PCSK5: variants seen among roughly 807,000 people sequenced by gnomAD.
PCSK5 encodes the protein prohormone convertase 5.
In PCSK5, 129 loss-of-function variants were observed where a neutral mutation model predicts 233.2. That is an observed-to-expected ratio of 0.55 (90% CI 0.48 to 0.64). The LOEUF (loss-of-function observed/expected upper bound fraction) is 0.64. Ranked by LOEUF, PCSK5 falls within the 30% of genes least tolerant of loss-of-function variation. The probability of loss-of-function intolerance (pLI) is 0.00; values close to 1 mark genes in which losing one functional copy is unlikely to be tolerated. For synonymous variants in PCSK5, 825 were observed against 879.2 expected (o/e 0.94, Z 1.09); for missense variants, 2,076 against 2,430.1 (o/e 0.85, Z 3.06).
At chr9:76,224,215 A>G (rs952602152) in intron 20 of PCSK5, among the ~76,000 whole-genome samples, 2 of 152,236 alleles carry the variant, frequency 1.3e-5, no homozygotes, top group Non-Finnish European at 2.9e-5. Context: ...AAGTTAGCAG[A>G]AAACTTTTGT....
intron 33 of PCSK5, among the ~76,000 whole-genome samples, chr9:76,331,840 A>G (rs932337776): frequency 2.0e-5 from 3 of 152,174 alleles, no homozygotes; most frequent in African/African-American, 7.2e-5. Context: ...GAAAGGAAAC[A>G]GATTCCCTCC....
rs146076904 is a variant in PCSK5, at chr9:76,189,155, C to T, written c.2442C>T (p.Cys814=). ...GCTACTTCATGGAGGATGGGAGATG[C>T]GTGCAGAGCTGTAGTATCAGCTATT... ...TEGYFMEDGR[C]VQSCSISYYF... Residue 814 remains cysteine (C), a synonymous_variant, in exon 19 of 38, where the codon TGC becomes TGT. Coordinates refer to ENST00000674117, the MANE Select transcript of PCSK5 (RefSeq NM_001372043.1). 36 of 1,610,918 alleles carry T rather than the reference C, an allele frequency of 2.2e-5. No homozygotes were observed. In the Middle Eastern group the frequency reaches 1.0e-3, roughly 46 times the overall value.
chr9:76,004,344 T>G (rs1485305454), intron 3 of PCSK5, among the ~76,000 whole-genome samples: 1 of 152,118 alleles, frequency 6.6e-6, no homozygotes. Context: ...CGGCTTCCTG[T>G]CAGGTGGTAT....
At chr9:75,922,844 G>C (rs1823313175) in intron 1 of PCSK5, among the ~76,000 whole-genome samples, 1 of 152,146 alleles carries the variant, frequency 6.6e-6, no homozygotes, top group Admixed American at 6.5e-5. Context: ...TCAACTTGCT[G>C]TGTCTTAAGT....
At position 75,983,280 on chromosome 9, in the gene PCSK5, G is replaced by T. The variant is rs550461287; in HGVS notation, c.298-2852G>T. Among the ~76,000 whole-genome samples the T allele has an allele frequency of 8.2e-4, 125 of 152,190 alleles. 1 individual carries two copies. Among genetic ancestry groups the T allele is most frequent in the African/African-American group, 2.9e-3 (120 of 41,528 alleles). On this transcript the variant is annotated intron_variant, in intron 2 of 37. Coordinates refer to ENST00000674117, the MANE Select transcript of PCSK5 (RefSeq NM_001372043.1). Reference sequence around the variant, plus strand: ...ATGTAATAACTTACATAATTTATATGCATATGGTCACATTTTTTTTCCTCC... The same window carrying T: ...ATGTAATAACTTACATAATTTATATTCATATGGTCACATTTTTTTTCCTCC...
intron 32 of PCSK5, among the ~76,000 whole-genome samples, chr9:76,325,045 T>C (rs1437626495): frequency 6.6e-6 from 1 of 152,130 alleles, no homozygotes; most frequent in Admixed American, 6.5e-5. Flanking sequence ...TGTGGATATG[T>C]CTTTTTGTGT....
At chr9:75,907,370 T>C (rs1826305167) in intron 1 of PCSK5, among the ~76,000 whole-genome samples, 1 of 152,158 alleles carries the variant, frequency 6.6e-6, no homozygotes, top group Non-Finnish European at 1.5e-5. Context: ...AAATTCTATA[T>C]AGTCAAGAAT....
rs940985578 is a variant in PCSK5, at chr9:76,036,716, A to G, written c.632+9679A>G. On this transcript the variant is annotated intron_variant, in intron 5 of 37. Coordinates refer to ENST00000674117, the MANE Select transcript of PCSK5 (RefSeq NM_001372043.1). ...ATTCAGAGAGAAGTCTAGAGAGGGT[A>G]AATAATGTGCCTAACGTCACTGAAT... Among the ~76,000 whole-genome samples, 7 of 152,348 alleles carry G rather than the reference A, an allele frequency of 4.6e-5. No individual in the cohort carries two copies. In the South Asian group the frequency reaches 1.0e-3, roughly 23 times the overall value.
chr9:76,288,434 G>C (rs1301176882), intron 24 of PCSK5, among the ~76,000 whole-genome samples: 1 of 152,168 alleles, frequency 6.6e-6, no homozygotes, highest in African/African-American at 2.4e-5. Flanking sequence ...ACATAACCTG[G>C]AAGCTGGAAG....
At position 75,904,123 on chromosome 9, in the gene PCSK5, G is replaced by A. The variant is rs76858911; in HGVS notation, c.192+12750G>A. 5.2e-3 allele frequency among the ~76,000 whole-genome samples: 787 copies of A among 152,082 alleles called. 10 individuals are homozygous for A. The highest frequency in any genetic ancestry group is 0.025 in the East Asian group (131 of 5,164). ...AATGCTGCATTCTTTGACTCATCAC[G>A]GGATGATGTCATTGCTCCTGGGCTG... is the stretch of plus-strand genomic sequence containing the variant. On this transcript the variant is annotated intron_variant, in intron 1 of 37. Transcript: ENST00000674117.
chr9:76,289,956 A>C (rs757225426), intron 24 of PCSK5, among the ~76,000 whole-genome samples: 3 of 152,150 alleles, frequency 2.0e-5, no homozygotes, highest in Non-Finnish European at 4.4e-5. Context: ...GTTCTGTTTA[A>C]CATTTTCATC....
chr9:76,311,198 G>A lies in PCSK5; in HGVS notation c.3884+347G>A, dbSNP rs182757876. ...AGCCTAGGCAACATAGCAAGACTCC[G>A]TCTACAAAATATTTAAAAATTAGCC... On this transcript the variant is annotated intron_variant, in intron 30 of 37. Coordinates refer to ENST00000674117, the MANE Select transcript of PCSK5 (RefSeq NM_001372043.1). Among the ~76,000 whole-genome samples the A allele has an allele frequency of 4.6e-5, 7 of 152,130 alleles. No individual in the cohort carries two copies. In the South Asian group the frequency reaches 6.2e-4, roughly 14 times the overall value.
chr9:76,205,068 T>C, intron 20 of PCSK5: 1 of 516,650 alleles, frequency 1.9e-6, no homozygotes, highest in East Asian at 5.5e-5. Flanking sequence ...AGCTGAAAAA[T>C]TGTCTTTCCA....
At chr9:75,993,046 G>A (rs1041323260) in intron 3 of PCSK5, among the ~76,000 whole-genome samples, 1 of 151,992 alleles carries the variant, frequency 6.6e-6, no homozygotes, top group African/African-American at 2.4e-5. Flanking sequence ...CTGTCTCTGC[G>A]GTTGGCACAC....
intron 5 of PCSK5, among the ~76,000 whole-genome samples, chr9:76,040,397 C>G (rs570338366): frequency 8.2e-5 from 10 of 121,678 alleles, no homozygotes; most frequent in Non-Finnish European, 8.9e-5. Context: ...CTCTCTCTCT[C>G]TCTCTCTCTC....
intron 5 of PCSK5, among the ~76,000 whole-genome samples, chr9:76,047,018 T>C (rs887662501): frequency 9.3e-4 from 142 of 152,224 alleles, no homozygotes; most frequent in African/African-American, 3.0e-3. Flanking sequence ...TGTCTCTAAG[T>C]GTGATATCAC....
chr9:75,962,681 C>T (rs1048887404), intron 2 of PCSK5, among the ~76,000 whole-genome samples: 1 of 152,150 alleles, frequency 6.6e-6, no homozygotes, highest in Non-Finnish European at 1.5e-5. Context: ...GGAAGCTGAT[C>T]GAGAACCAGC....
At chr9:76,194,812 G>T (rs1824609604) in intron 20 of PCSK5, 2 of 452,704 alleles carry the variant, frequency 4.4e-6, no homozygotes, top group Admixed American at 2.6e-5. Flanking sequence ...GACCTCATTT[G>T]CTTTACAAGT....
At chr9:75,969,340 T>C (rs1587436584) in intron 2 of PCSK5, among the ~76,000 whole-genome samples, 1 of 152,164 alleles carries the variant, frequency 6.6e-6, no homozygotes, top group East Asian at 1.9e-4. Flanking sequence ...GCAGAACATT[T>C]CATTCAAGAG....
Sources: gnomAD v4.1 joint callset for allele counts (sites outside exome capture counted in the v4.1 genomes callset) on GRCh38, gnomAD v4.1.1 for gene constraint, MANE v1.5 for transcripts, NCBI Gene and HGNC (gene_info 2026-07-23, HGNC 2026-07-21) for gene names.